HIC2: variants seen among roughly 807,000 people sequenced by gnomAD.
The protein encoded by HIC2 is hypermethylated in cancer 2 protein.
In HIC2, 2 loss-of-function variants were observed where a neutral mutation model predicts 39.5. The ratio of observed to expected loss-of-function variants is 0.05; its 90% confidence interval spans 0.02 to 0.16. HIC2 has a LOEUF of 0.16. Among genes scored for constraint, HIC2 ranks in the 10% least tolerant of loss-of-function variants. The pLI is 1.00. For synonymous variants in HIC2, 399 were observed against 368.8 expected (o/e 1.08, Z -0.94); for missense variants, 713 against 863.5 (o/e 0.83, Z 2.18).
In HIC2 at chr22:21,445,539, G is replaced by A. The variant is rs765838444; in HGVS notation, c.644G>A (p.Gly215Asp). 1.2e-6 allele frequency: 2 copies of A among 1,601,194 alleles called. No individual in the cohort carries two copies. The highest frequency in any genetic ancestry group is 1.7e-6 in the Non-Finnish European group (2 of 1,175,148). Residue 215 changes from glycine to aspartate, a missense_variant, in exon 3 of 3, where the codon GGC becomes GAC. Around this residue, in one of 5 missense-constraint regions of HIC2, gnomAD observed 457 missense variants for 420.2 expected, o/e 1.09. Transcript: ENST00000407464. Reference protein sequence around the residue: ...GSNQDSVQGLGRAVCPAGGEA... With the variant: ...GSNQDSVQGLDRAVCPAGGEA... ...AACCAGGATAGCGTGCAAGGTCTGG[G>A]CCGGGCTGTCTGCCCAGCTGGCGGG...
intron 2 of HIC2, among the ~76,000 whole-genome samples, chr22:21,443,977 TG>T: frequency 6.6e-6 from 1 of 152,226 alleles, no homozygotes; most frequent in Non-Finnish European, 1.5e-5. Flanking sequence ...ACTCCCACTG[TG>T]GGGTGCCTGG....
intron 1 of HIC2, among the ~76,000 whole-genome samples, chr22:21,425,946 G>A (rs1191433521): frequency 3.3e-5 from 5 of 152,066 alleles, no homozygotes; most frequent in East Asian, 1.9e-4. Context: ...TTCTGACCTC[G>A]TGATCCGCCC....
rs745914216 is a variant in HIC2 at position 21,445,502 on chromosome 22, C to T, written c.607C>T (p.Leu203Phe). The part of the protein sequence containing the change: ...QAKGSDDELF[L>F]GGSNQDSVQG... ...CAAAGGCTCAGACGATGAACTCTTT[C>T]TTGGTGGCTCTAACCAGGATAGCGT... Residue 203 changes from leucine (L) to phenylalanine (F), a missense_variant, in exon 3 of 3, where the codon CTT (leucine) becomes TTT (phenylalanine). Coordinates refer to ENST00000407464, the MANE Select transcript of HIC2 (RefSeq NM_015094.3). 2.4e-5 allele frequency: 38 copies of T among 1,590,574 alleles called. No individual in the cohort carries two copies. Among genetic ancestry groups the T allele is most frequent in the Non-Finnish European group, 3.2e-5 (38 of 1,171,412 alleles).
In HIC2 at chr22:21,445,371, C is replaced by G. The variant is rs939224586; in HGVS notation, c.476C>G (p.Pro159Arg). Reference sequence around the variant, plus strand: ...GCGGGGTCCACTGGCATGGGGCGGCCCCCCCGCAGCCAGCGGCTGTCCACG... The same window carrying G: ...GCGGGGTCCACTGGCATGGGGCGGCGCCCCCGCAGCCAGCGGCTGTCCACG... Reference protein sequence around the residue: ...GRAGSTGMGRPPRSQRLSTAS... With the variant: ...GRAGSTGMGRRPRSQRLSTAS... The change falls in exon 3 of 3, where the codon CCC (proline) becomes CGC (arginine). Residue 159 changes from proline (P) to arginine (R), a missense_variant. Transcript: ENST00000407464. 6.4e-7 allele frequency: 1 copy of G among 1,556,302 alleles called. No individual in the cohort carries two copies.
chr22:21,451,453 T>C lies in HIC2; in HGVS notation c.*4710T>C, dbSNP rs1924192842. The C allele has an allele frequency of 6.5e-6, 1 of 152,786 alleles. No homozygotes were observed. Among genetic ancestry groups the C allele is most frequent in the Admixed American group, 6.5e-5 (1 of 15,288 alleles). The allele number at this position is 152,786 out of a possible 1,614,324, so 9.5% of individuals were successfully genotyped here. Reference sequence around the variant, plus strand: ...ATTTTATGATCTTTTCATTAAAAGCTTGATTGAAAACTCTGGTGTGGGACC... The same window carrying C: ...ATTTTATGATCTTTTCATTAAAAGCCTGATTGAAAACTCTGGTGTGGGACC... On this transcript the variant is annotated 3_prime_UTR_variant, in exon 3 of 3. Coordinates refer to ENST00000407464, the MANE Select transcript of HIC2 (RefSeq NM_015094.3).
rs567593955 is a variant in HIC2, at chr22:21,445,369, G to C, written c.474G>C (p.Arg158=). The change falls in exon 3 of 3, where the codon CGG becomes CGC. Residue 158 remains arginine, a synonymous_variant. Transcript: ENST00000407464. ...SGRAGSTGMG[R]PPRSQRLSTA... Reference sequence around the variant, plus strand: ...GGGCGGGGTCCACTGGCATGGGGCGGCCCCCCCGCAGCCAGCGGCTGTCCA... The same window carrying C: ...GGGCGGGGTCCACTGGCATGGGGCGCCCCCCCCGCAGCCAGCGGCTGTCCA... 34 of 1,558,978 alleles carry C rather than the reference G, an allele frequency of 2.2e-5. 1 individual carries two copies. In the Middle Eastern group the frequency reaches 6.9e-4, roughly 32 times the overall value.
chr22:21,444,228 G>A (rs146392612), intron 2 of HIC2, among the ~76,000 whole-genome samples: 1 of 152,242 alleles, frequency 6.6e-6, no homozygotes, highest in Non-Finnish European at 1.5e-5. Context: ...CCTTCCTAGA[G>A]AGGACGGAGG....
At position 21,446,405 on chromosome 22, in the gene HIC2, C is replaced by A; in HGVS notation, c.1510C>A (p.Pro504Thr). 2 of 1,612,136 alleles carry A rather than the reference C, an allele frequency of 1.2e-6. No individual in the cohort carries two copies. Among genetic ancestry groups the A allele is most frequent in the Non-Finnish European group, 1.7e-6 (2 of 1,180,020 alleles). ...PSAAYTAEPR[P>T]FKCSVCEKTY... ...TGCGGCCTACACGGCTGAGCCCCGGCCCTTCAAGTGTTCGGTCTGCGAGAA... is the reference window on the plus strand; with the variant it reads ...TGCGGCCTACACGGCTGAGCCCCGGACCTTCAAGTGTTCGGTCTGCGAGAA... The change falls in exon 3 of 3, where the codon CCC becomes ACC. Residue 504 changes from proline (P) to threonine (T), a missense_variant. Transcript: ENST00000407464.
chr22:21,417,420 G>C lies in HIC2; in HGVS notation c.-214G>C, dbSNP rs1169523800. Reference sequence around the variant, plus strand: ...CGGGCGGCTGTGAGCGGCGCTCGGGGCGCGCTAGGCGGGGAGCCGAGCCGG... The same window carrying C: ...CGGGCGGCTGTGAGCGGCGCTCGGGCCGCGCTAGGCGGGGAGCCGAGCCGG... On this transcript the variant is annotated 5_prime_UTR_variant, in exon 1 of 3. Coordinates refer to ENST00000407464, the MANE Select transcript of HIC2 (RefSeq NM_015094.3). The C allele has an allele frequency of 2.1e-5, 3 of 140,260 alleles. No individual in the cohort carries two copies. Among genetic ancestry groups the C allele is most frequent in the Admixed American group, 2.1e-4 (3 of 14,344 alleles). 8.7% of individuals were successfully genotyped at this position (140,260 alleles called of 1,614,324 possible). A position where few individuals can be genotyped will look rare whatever the true frequency, so the allele number is the denominator to read the frequency against.
chr22:21,449,013 AAGT>A lies in HIC2; in HGVS notation c.*2273_*2275del, dbSNP rs1924018540. Reference sequence around the variant, plus strand: ...GCCGCATCTGTGAGGTGACTCGTGAAAGTAGGTGATTCCTTTGCAGAACTTCAG... The same window carrying A: ...GCCGCATCTGTGAGGTGACTCGTGAAAGGTGATTCCTTTGCAGAACTTCAG... On this transcript the variant is annotated 3_prime_UTR_variant, in exon 3 of 3. Coordinates refer to ENST00000407464, the MANE Select transcript of HIC2 (RefSeq NM_015094.3). 6.5e-6 allele frequency: 1 copy of A among 152,756 alleles called. No homozygotes were observed. Among genetic ancestry groups the A allele is most frequent in the Non-Finnish European group, 1.5e-5 (1 of 68,058 alleles). The allele number at this position is 152,756 out of a possible 1,614,324, so 9.5% of individuals were successfully genotyped here. A position where few individuals can be genotyped will look rare whatever the true frequency, so the allele number is the denominator to read the frequency against.
At chr22:21,436,507 A>AG (rs1276821007) in intron 1 of HIC2, among the ~76,000 whole-genome samples, 1 of 150,786 alleles carries the variant, frequency 6.6e-6, no homozygotes, top group African/African-American at 2.4e-5. Context: ...GAGGAGGAGG[A>AG]GGCCAGCCTC....
chr22:21,444,418 G>GT (rs1296929998), intron 2 of HIC2, among the ~76,000 whole-genome samples: 1 of 152,268 alleles, frequency 6.6e-6, no homozygotes, highest in Non-Finnish European at 1.5e-5. Context: ...ACTGCTGGCA[G>GT]TTTGATTTGG....
chr22:21,417,690 G>C (rs1208419949), intron 1 of HIC2, 130 bp downstream of exon 1: 2 of 146,170 alleles, frequency 1.4e-5, no homozygotes, highest in East Asian at 2.1e-4. Context: ...GCGCGCGTGG[G>C]GGACGCGCTA....
Position 21,447,973 on chromosome 22 carries a change from C to T in HIC2, c.*1230C>T, listed in dbSNP as rs575972108. Reference sequence around the variant, plus strand: ...AGCCCTTGACACTCTTGTTTTCCTTCGCTTAGCACCTAGGAAGTCGTGTGC... The same window carrying T: ...AGCCCTTGACACTCTTGTTTTCCTTTGCTTAGCACCTAGGAAGTCGTGTGC... On this transcript the variant is annotated 3_prime_UTR_variant, in exon 3 of 3. Transcript: ENST00000407464. 1.6e-4 allele frequency: 24 copies of T among 152,916 alleles called. No individual in the cohort carries two copies. Among genetic ancestry groups the T allele is most frequent in the African/African-American group, 5.5e-4 (23 of 41,580 alleles). The allele number at this position is 152,916 out of a possible 1,614,324, so 9.5% of individuals were successfully genotyped here. A position where few individuals can be genotyped will look rare whatever the true frequency, so the allele number is the denominator to read the frequency against.
Position 21,446,560 on chromosome 22 carries a change from C to T in HIC2, c.1665C>T (p.His555=). 13 of 1,613,480 alleles carry T rather than the reference C, an allele frequency of 8.1e-6. No homozygotes were observed. The highest frequency in any genetic ancestry group is 1.0e-5 in the Non-Finnish European group (12 of 1,180,034). Residue 555 remains histidine (H), a synonymous_variant, in exon 3 of 3, where the codon CAC becomes CAT. Coordinates refer to ENST00000407464, the MANE Select transcript of HIC2 (RefSeq NM_015094.3). ...CCATGACGCGTCACATGCGGAGCCA[C>T]CTGGGCCTGAAGCCCTTCGCCTGCG... ...RGTMTRHMRS[H]LGLKPFACDE...
intron 2 of HIC2, 138 bp from the exon 3 acceptor site, chr22:21,444,784 T>G: frequency 2.3e-6 from 2 of 861,928 alleles, no homozygotes; most frequent in Non-Finnish European, 3.5e-6. Flanking sequence ...TTATGTGCCG[T>G]GTACTGTGCC....
Position 21,446,757 on chromosome 22 carries a change from G to A in HIC2, c.*14G>A, listed in dbSNP as rs753443515. Reference sequence around the variant, plus strand: ...TCCCCCTCCTAGAAGCCAAAGACCCGCGGGCGCCCTCTGCCACCTTGCTCC... The same window carrying A: ...TCCCCCTCCTAGAAGCCAAAGACCCACGGGCGCCCTCTGCCACCTTGCTCC... On this transcript the variant is annotated 3_prime_UTR_variant, in exon 3 of 3. Coordinates refer to ENST00000407464, the MANE Select transcript of HIC2 (RefSeq NM_015094.3). The A allele has an allele frequency of 1.3e-5, 20 of 1,584,604 alleles. No homozygotes were observed. The highest frequency in any genetic ancestry group is 1.1e-4 in the East Asian group (5 of 44,448).
chr22:21,445,759 C>A lies in HIC2; in HGVS notation c.864C>A (p.Pro288=), dbSNP rs150155303. ...HGSPPAASAP[P]VANSASYSEL... is the part of the protein sequence containing the mutation. ...CGCCCCCTGCGGCCTCTGCTCCTCC[C>A]GTTGCCAACAGTGCCTCTTATTCTG... The change falls in exon 3 of 3, where the codon CCC becomes CCA. Residue 288 remains proline (P), a synonymous_variant. Coordinates refer to ENST00000407464, the MANE Select transcript of HIC2 (RefSeq NM_015094.3). 6.2e-7 allele frequency: 1 copy of A among 1,609,746 alleles called. No individual in the cohort carries two copies. The highest frequency in any genetic ancestry group is 8.5e-7 in the Non-Finnish European group (1 of 1,178,530).
chr22:21,432,247 T>A (rs1395911331), intron 1 of HIC2, among the ~76,000 whole-genome samples: 2 of 88,732 alleles, frequency 2.3e-5, no homozygotes, highest in East Asian at 8.5e-4. Flanking sequence ...CCTACCTGGC[T>A]GCCACCAGGA....
Sources: allele counts gnomAD v4.1 joint callset (sites outside exome capture counted in the v4.1 genomes callset), GRCh38; gene constraint gnomAD v4.1.1; regional missense constraint gnomAD v4.1.1; transcripts MANE v1.5; gene names NCBI Gene and HGNC (gene_info 2026-07-23, HGNC 2026-07-21).